SH2B3: variants seen among roughly 807,000 people sequenced by gnomAD.
SH2B3 encodes the protein SH2B adaptor protein 3.
Under a neutral mutation model 51.9 loss-of-function variants are expected in SH2B3, and 43 were observed. That is an observed-to-expected ratio of 0.83 (90% CI 0.65 to 1.07). SH2B3 has a LOEUF of 1.07. Among genes scored for constraint, SH2B3 ranks in the 50% least tolerant of loss-of-function variants. The pLI, the probability that SH2B3 is intolerant of heterozygous loss-of-function variation, is 0.00. For synonymous variants in SH2B3, 396 were observed against 376.0 expected, an observed-to-expected ratio of 1.05 and a Z score of -0.62; for missense variants, 952 against 834.3, an observed-to-expected ratio of 1.14 and a Z score of -1.74.
At chr12:111,446,661 G>A (rs1873987606) in intron 2 of SH2B3, 92 bp from the exon 3 acceptor site, 1 of 680,338 alleles carries the variant, frequency 1.5e-6, no homozygotes, top group South Asian at 2.0e-5. Context: ...CTCTAAAAGG[G>A]GGACTCCTGG....
chr12:111,405,543 C>G (rs1381707023), upstream of SH2B3, among the ~76,000 whole-genome samples: 2 of 151,988 alleles, frequency 1.3e-5, no homozygotes, highest in African/African-American at 4.8e-5. This position sits in a 1 kb window ranked among gnomAD's most constrained non-coding sequence, Gnocchi z 5.4. Context: ...TTCATCTGGC[C>G]CCGCCTCCAG....
rs894941310 is a variant in SH2B3 at position 111,438,335 on chromosome 12, GAT to G, written c.733-8417_733-8416del. Among the ~76,000 whole-genome samples the G allele has an allele frequency of 1.3e-4, 20 of 152,098 alleles. No individual in the cohort carries two copies. The highest frequency in any genetic ancestry group is 4.8e-4 in the African/African-American group (20 of 41,406). On this transcript the variant is annotated intron_variant, in intron 2 of 7. Transcript: ENST00000341259. This position sits in a 1 kb window ranked among gnomAD's most constrained non-coding sequence, Gnocchi z 4.2. ...CAGAGTCTGTAGCATGGGGGCTCCT[GAT>G]GGTGCCCTTGCGGGGAGGTCAGGGG...
chr12:111,428,262 G>T (rs560081339), intron 2 of SH2B3, among the ~76,000 whole-genome samples: 1 of 152,222 alleles, frequency 6.6e-6, no homozygotes, highest in African/African-American at 2.4e-5. Context: ...GCTTGGAGAA[G>T]TGGTAGAAGA....
At chr12:111,431,950 A>T (rs897724592) in intron 2 of SH2B3, among the ~76,000 whole-genome samples, 3 of 152,082 alleles carry the variant, frequency 2.0e-5, no homozygotes, top group Admixed American at 6.6e-5. Context: ...CCAAATTCCA[A>T]TTCCTTCAGC....
At position 111,418,962 on chromosome 12, in the gene SH2B3, A is replaced by G; in HGVS notation, c.732+85A>G. The G allele has an allele frequency of 8.0e-7, 1 of 1,255,372 alleles. No homozygotes were observed. Among genetic ancestry groups the G allele is most frequent in the Non-Finnish European group, 1.0e-6 (1 of 976,918 alleles). 77.8% of individuals were successfully genotyped at this position (1,255,372 alleles called of 1,614,324 possible). On this transcript the variant is annotated intron_variant, in intron 2 of 7. Coordinates refer to ENST00000341259, the MANE Select transcript of SH2B3 (RefSeq NM_005475.3). The surrounding 1 kb of genome is among the most constrained non-coding windows in gnomAD (Gnocchi z 6.7). ...GGAGAGCGCGGGCTGGGGAGGTGTG[A>G]TGGCTTTCCAGCTGGTGGCCACAGA...
rs1874489502 is a variant in SH2B3, at chr12:111,450,592, G to A, written c.*2290G>A. The A allele has an allele frequency of 6.6e-6, 1 of 152,174 alleles. No individual in the cohort carries two copies. Among genetic ancestry groups the A allele is most frequent in the Non-Finnish European group, 1.5e-5 (1 of 68,052 alleles). 9.4% of individuals were successfully genotyped at this position (152,174 alleles called of 1,614,324 possible). A position where few individuals can be genotyped will look rare whatever the true frequency, so the allele number is the denominator to read the frequency against. On this transcript the variant is annotated 3_prime_UTR_variant, in exon 8 of 8. Transcript: ENST00000341259. ...CAGCCTCTCTACATACATCTCTCAG[G>A]TGGTGCCAAGAGGCACACCAGGTAG...
chr12:111,428,015 G>A (rs1872148543), intron 2 of SH2B3, among the ~76,000 whole-genome samples: 1 of 152,254 alleles, frequency 6.6e-6, no homozygotes, highest in African/African-American at 2.4e-5. Flanking sequence ...CCTGTGAGCA[G>A]TGAGTCCTTA....
chr12:111,444,609 G>A lies in SH2B3; in HGVS notation c.733-2144G>A, dbSNP rs868184825. On this transcript the variant is annotated intron_variant, in intron 2 of 7. Transcript: ENST00000341259. ...ACTTTTGAGGGAGGTGGAATAGCGG[G>A]CATGTGAGAGGAGGGAACCTAAAGC... 3.8e-5 allele frequency: 11 copies of A among 290,292 alleles called. No individual in the cohort carries two copies. The South Asian group carries it at 6.4e-4, about 17-fold the overall frequency. 18.0% of individuals were successfully genotyped at this position (290,292 alleles called of 1,614,324 possible). A position where few individuals can be genotyped will look rare whatever the true frequency, so the allele number is the denominator to read the frequency against.
rs550755413 is a variant in SH2B3, at chr12:111,450,370, T to C, written c.*2068T>C. 9 of 152,372 alleles carry C rather than the reference T, an allele frequency of 5.9e-5. No individual in the cohort carries two copies. In the South Asian group the frequency reaches 1.9e-3, roughly 32 times the overall value. The allele number at this position is 152,372 out of a possible 1,614,324, so 9.4% of individuals were successfully genotyped here. On this transcript the variant is annotated 3_prime_UTR_variant, in exon 8 of 8. Transcript: ENST00000341259. ...GCTTTCTCTGGAAAATGAATGCTAA[T>C]TAGTGTGAACCAAAAGAGTAAGTAA...
chr12:111,447,397 C>G lies in SH2B3; in HGVS notation c.1089C>G (p.Pro363=), dbSNP rs1334860911. 6.2e-7 allele frequency: 1 copy of G among 1,614,042 alleles called. No individual in the cohort carries two copies. ...QKTDHFLSCY[P]WFHGPISRVK... ...CGGACCATTTCCTGTCCTGCTACCC[C>G]TGGTTCCACGGCCCCATCTCCAGAG... is the stretch of plus-strand genomic sequence containing the variant. Residue 363 remains proline (P), a synonymous_variant, in exon 6 of 8, where the codon CCC becomes CCG. Transcript: ENST00000341259.
rs1406183266 is a variant in SH2B3 at position 111,407,466 on chromosome 12, C to T, written c.-28+1189C>T. 3.3e-5 allele frequency among the ~76,000 whole-genome samples: 5 copies of T among 152,200 alleles called. No individual in the cohort carries two copies. Among genetic ancestry groups the T allele is most frequent in the South Asian group, 4.1e-4 (2 of 4,826 alleles). On this transcript the variant is annotated intron_variant, in intron 1 of 7. Coordinates refer to ENST00000341259, the MANE Select transcript of SH2B3 (RefSeq NM_005475.3). This position sits in a 1 kb window ranked among gnomAD's most constrained non-coding sequence, Gnocchi z 4.3. ...GCCTGTGGGTCTCCAGGGATGCAGG[C>T]GCAGGTTGTGTCTGGGTTTCCCATC...
chr12:111,441,983 G>A (rs1490198383), intron 2 of SH2B3, among the ~76,000 whole-genome samples: 1 of 152,040 alleles, frequency 6.6e-6, no homozygotes, highest in East Asian at 1.9e-4. Context: ...CCAGTCTAGA[G>A]TACAGTGGTG....
intron 2 of SH2B3, among the ~76,000 whole-genome samples, chr12:111,437,556 C>T (rs1872992134): frequency 2.0e-5 from 3 of 152,176 alleles, no homozygotes; most frequent in African/African-American, 7.2e-5. Context: ...TTATCATCCC[C>T]ATTTTACAGG....
At chr12:111,425,332 C>T (rs986257694) in intron 2 of SH2B3, among the ~76,000 whole-genome samples, 8 of 152,138 alleles carry the variant, frequency 5.3e-5, no homozygotes, top group African/African-American at 1.9e-4. Flanking sequence ...TCTCTGGTCT[C>T]AGTGGCCACT....
At chr12:111,411,015 A>G (rs1291387384) in intron 1 of SH2B3, among the ~76,000 whole-genome samples, 1 of 152,126 alleles carries the variant, frequency 6.6e-6, no homozygotes, top group Non-Finnish European at 1.5e-5. Context: ...GAGCTGGGGC[A>G]GGGGAGAGTG....
chr12:111,422,982 C>A (rs1871677209), intron 2 of SH2B3, among the ~76,000 whole-genome samples: 1 of 152,218 alleles, frequency 6.6e-6, no homozygotes, highest in Non-Finnish European at 1.5e-5. Flanking sequence ...CAGGTGCGAG[C>A]CACCACGCCT....
chr12:111,427,071 G>T (rs1490727350), intron 2 of SH2B3, among the ~76,000 whole-genome samples: 1 of 152,114 alleles, frequency 6.6e-6, no homozygotes, highest in African/African-American at 2.4e-5. Flanking sequence ...ACAGAATCCA[G>T]ACTTCTGGTT....
intron 2 of SH2B3, among the ~76,000 whole-genome samples, chr12:111,430,420 G>A (rs975740439): frequency 6.6e-6 from 1 of 152,214 alleles, no homozygotes; most frequent in Non-Finnish European, 1.5e-5. Flanking sequence ...AACAAGGGGG[G>A]AGGTAATTAA....
rs781024251 is a variant in SH2B3 at position 111,448,295 on chromosome 12, C to T, written c.1721C>T (p.Pro574Leu). Residue 574 changes from proline (P) to leucine (L), a missense_variant, in exon 8 of 8, where the codon CCT (proline) becomes CTT (leucine). Physicochemically the swap from Pro to Leu is moderately conservative, Grantham distance 98. Transcript: ENST00000341259. ...CGGGCCATAGACAATCAGTACACAC[C>T]TCTCTGACCAGTGAGGAATTCCAGG... ...HLRAIDNQYT[P>L]L 9.4e-6 allele frequency: 15 copies of T among 1,597,754 alleles called. No homozygotes were observed. The highest frequency in any genetic ancestry group is 3.4e-5 in the Admixed American group (2 of 59,524).
Sources: allele counts gnomAD v4.1 joint callset (sites outside exome capture counted in the v4.1 genomes callset), GRCh38; gene constraint gnomAD v4.1.1; non-coding constraint Gnocchi (gnomAD v3.1); transcripts MANE v1.5; gene names NCBI Gene and HGNC (gene_info 2026-07-23, HGNC 2026-07-21).